UTP20: variants seen among roughly 807,000 people sequenced by gnomAD.
UTP20 encodes UTP20 small subunit processome component.
A neutral mutation model predicts 329.5 loss-of-function variants in UTP20; 164 were observed. The ratio of observed to expected loss-of-function variants is 0.50; its 90% confidence interval spans 0.44 to 0.57. The LOEUF is 0.57. Among genes scored for constraint, UTP20 ranks in the 20% least tolerant of loss-of-function variants. The probability of loss-of-function intolerance (pLI) is 0.00; values close to 1 mark genes in which losing one functional copy is unlikely to be tolerated. For synonymous variants in UTP20, 1,151 were observed against 1,159.3 expected (o/e 0.99, Z 0.14); for missense variants, 3,055 against 3,284.2 (o/e 0.93, Z 1.71).
Position 101,385,616 on chromosome 12 carries a change from T to C in UTP20, c.8090T>C (p.Ile2697Thr), listed in dbSNP as rs149982185. ...CTGAAGAATCTATCCCAGGAAATCA[T>C]AGAATTACTCAAAAAGCTGGTTGGG... Reference protein sequence around the residue: ...PLLKNLSQEIIELLKKLVGLE... With the variant: ...PLLKNLSQEITELLKKLVGLE... Residue 2697 changes from isoleucine to threonine, a missense_variant, in exon 61 of 62, where the codon ATA becomes ACA. Physicochemically the swap from Ile to Thr is moderately conservative, Grantham distance 89. This residue lies in a region of UTP20 where 337 missense variants were observed against 345.5 expected (regional missense o/e 0.98). Transcript: ENST00000261637. 1.9e-4 allele frequency: 312 copies of C among 1,613,936 alleles called. No individual in the cohort carries two copies. The highest frequency in any genetic ancestry group is 6.6e-4 in the Middle Eastern group (4 of 6,058).
Position 101,293,181 on chromosome 12 carries a change from G to C in UTP20, c.1187G>C (p.Arg396Thr), listed in dbSNP as rs1272203105. The change falls in exon 11 of 62, where the codon AGA (arginine) becomes ACA (threonine). Residue 396 changes from arginine (R) to threonine (T), a missense_variant. By Grantham distance (71) the Arg-to-Thr change is moderately conservative (BLOSUM62 -1). Transcript: ENST00000261637. ...CCTTGGTCACAGATATTTGAGAGCA[G>C]ATTTGAAAAACGTTTAATTTTCAGT... Reference protein sequence around the residue: ...KETIEKIFESRFEKRLIFSFS... With the variant: ...KETIEKIFESTFEKRLIFSFS... 7.4e-6 allele frequency: 12 copies of C among 1,613,968 alleles called. 1 individual carries two copies. In the South Asian group the frequency reaches 9.9e-5, roughly 13 times the overall value.
intron 47 of UTP20, 124 bp from the exon 48 acceptor site, chr12:101,367,735 GT>G (rs1199981538): frequency 1.0e-5 from 7 of 674,240 alleles, no homozygotes; most frequent in Non-Finnish European, 1.8e-5. Flanking sequence ...CCTTAAAAAT[GT>G]TTTATCATTT....
In UTP20 at chr12:101,354,833, CGCAATTGAA is replaced by C. The variant is rs1565802564; in HGVS notation, c.5118_5126del (p.Ala1707_Glu1709del). On this transcript the variant is annotated inframe_deletion and splice_region_variant, in exon 41 of 62. Coordinates refer to ENST00000261637, the MANE Select transcript of UTP20 (RefSeq NM_014503.3). ...ACTTTTGTTGTTTATTAAACATAGA[CGCAATTGAA>C]GCAATTGAGTTACCAGAGCCTGAGG... The C allele has an allele frequency of 1.2e-6, 2 of 1,611,488 alleles. No homozygotes were observed. Among genetic ancestry groups the C allele is most frequent in the Admixed American group, 1.7e-5 (1 of 59,724 alleles).
chr12:101,378,738 A>AG (rs1870553585), intron 56 of UTP20, among the ~76,000 whole-genome samples: 1 of 152,164 alleles, frequency 6.6e-6, no homozygotes, highest in African/African-American at 2.4e-5. Context: ...AAGAAAAAAA[A>AG]GAAAATGTAA....
Position 101,312,166 on chromosome 12 carries a change from A to G in UTP20, c.2442A>G (p.Arg814=). 2 of 1,614,194 alleles carry G rather than the reference A, an allele frequency of 1.2e-6. No individual in the cohort carries two copies. The highest frequency in any genetic ancestry group is 1.7e-6 in the Non-Finnish European group (2 of 1,180,024). ...CATTGAAAACTGACTGTCAGGAAAG[A>G]CTTGACCACACCAACTTCAGATTCC... is the stretch of plus-strand genomic sequence containing the variant. ...QLALKTDCQE[R]LDHTNFRFLL... The change falls in exon 21 of 62, where the codon AGA becomes AGG. Residue 814 remains arginine (R), a synonymous_variant. Transcript: ENST00000261637.
intron 5 of UTP20, among the ~76,000 whole-genome samples, chr12:101,288,688 C>T (rs1029911046): frequency 6.6e-6 from 1 of 152,222 alleles, no homozygotes; most frequent in African/African-American, 2.4e-5. Flanking sequence ...CCTAATTCTT[C>T]TTTCATTCAG....
intron 17 of UTP20, among the ~76,000 whole-genome samples, chr12:101,307,523 C>T (rs140066809): frequency 2.0e-5 from 3 of 152,040 alleles, no homozygotes; most frequent in Admixed American, 6.6e-5. Context: ...ATTATAGGTG[C>T]CTGCCACCAC....
rs746638912 is a variant in UTP20, at chr12:101,383,298, G to A, written c.7914G>A (p.Pro2638=). The A allele has an allele frequency of 2.0e-5, 33 of 1,613,642 alleles. No individual in the cohort carries two copies. The highest frequency in any genetic ancestry group is 2.4e-5 in the Non-Finnish European group (28 of 1,179,952). The change falls in exon 59 of 62, where the codon CCG becomes CCA. Residue 2638 remains proline, a synonymous_variant. Transcript: ENST00000261637. ...RIAKLEAAYS[P]RNPLKRTCIF... ...CAAAACTGGAAGCTGCTTATTCGCC[G>A]AGAAACCCCTTAAAGGTGCGATGAA... is the stretch of plus-strand genomic sequence containing the variant.
At position 101,285,750 on chromosome 12, in the gene UTP20, A is replaced by T. The variant is rs746070451; in HGVS notation, c.195A>T (p.Gly65=). The T allele has an allele frequency of 5.6e-6, 9 of 1,613,296 alleles. No individual in the cohort carries two copies. The highest frequency in any genetic ancestry group is 7.6e-6 in the Non-Finnish European group (9 of 1,179,768). Residue 65 remains glycine (G), a splice_region_variant and synonymous_variant, in exon 4 of 62, where the codon GGA becomes GGT. Coordinates refer to ENST00000261637, the MANE Select transcript of UTP20 (RefSeq NM_014503.3). ...WRELNLTEHF[G]KFYKEVIDKC... is the part of the protein sequence containing the mutation. ...CATATTTTTTTTTCCCCCACTCAGG[A>T]AAATTTTACAAAGAAGTTATTGACA...
chr12:101,385,077 GGCTTTTGACACTCCCCC>G (rs1870780030), intron 60 of UTP20, among the ~76,000 whole-genome samples: 1 of 148,380 alleles, frequency 6.7e-6, no homozygotes, highest in Admixed American at 6.8e-5. Context: ...TCACAAAGGA[GGCTTTTGACACTCCCCC>G]GCCAAAAAAA....
chr12:101,347,604 A>T (rs913441599), intron 38 of UTP20, among the ~76,000 whole-genome samples: 5 of 152,228 alleles, frequency 3.3e-5, no homozygotes, highest in Admixed American at 2.0e-4. Context: ...TTTGTGACTT[A>T]AATTTATACT....
intron 61 of UTP20, 23 bp downstream of exon 61, chr12:101,385,751 T>A (rs763749967): frequency 6.2e-7 from 1 of 1,604,728 alleles, no homozygotes; most frequent in South Asian, 1.1e-5. Flanking sequence ...TTTGAAAATA[T>A]GGCATGTTCA....
rs550904567 is a variant in UTP20, at chr12:101,322,237, G to A, written c.3041+608G>A. Among the ~76,000 whole-genome samples, 426 of 152,164 alleles carry A rather than the reference G, an allele frequency of 2.8e-3. 3 individuals carry two copies. The highest frequency in any genetic ancestry group is 4.6e-3 in the Non-Finnish European group (312 of 67,990). On this transcript the variant is annotated intron_variant, in intron 25 of 61. Transcript: ENST00000261637. The stretch of plus-strand genomic sequence containing the variant: ...ACTCCTGACCTCAGGCGATCCACCC[G>A]CCTCTGCCTCCCAAAGTGCTGGGAT...
chr12:101,381,297 C>T (rs1470343973), intron 58 of UTP20, 86 bp downstream of exon 58: 5 of 1,201,490 alleles, frequency 4.2e-6, no homozygotes, highest in Admixed American at 3.5e-5. Context: ...TTTGAGAGGC[C>T]GAGGCGGCCA....
chr12:101,348,567 T>A (rs1371882820), intron 38 of UTP20, among the ~76,000 whole-genome samples: 1 of 151,874 alleles, frequency 6.6e-6, no homozygotes, highest in Non-Finnish European at 1.5e-5. Context: ...CTTACATATT[T>A]GTAGTTTCTG....
At chr12:101,371,900 A>G (rs1870307572) in intron 51 of UTP20, among the ~76,000 whole-genome samples, 1 of 152,104 alleles carries the variant, frequency 6.6e-6, no homozygotes, top group African/African-American at 2.4e-5. Context: ...GATCAGGTTT[A>G]TATCTATACA....
chr12:101,287,887 C>T (rs116064827), intron 5 of UTP20, among the ~76,000 whole-genome samples: 2,276 of 152,264 alleles, frequency 0.015, 36 homozygotes, highest in African/African-American at 0.036. Context: ...GGCACATGCC[C>T]GGGAGAAGTT....
At position 101,305,284 on chromosome 12, in the gene UTP20, G is replaced by T. The variant is rs1401923223; in HGVS notation, c.1782-631G>T. 1.1e-4 allele frequency among the ~76,000 whole-genome samples: 16 copies of T among 151,976 alleles called. No individual in the cohort carries two copies. The East Asian group carries it at 3.1e-3, about 29-fold the overall frequency. The stretch of plus-strand genomic sequence containing the variant: ...TATAAGTTCCAGGAAAAGGAACTTT[G>T]TCTTTTGTTAACTGCTATATCTACA... On this transcript the variant is annotated intron_variant, in intron 15 of 61. Transcript: ENST00000261637.
At chr12:101,317,341 A>G in intron 21 of UTP20, 137 bp from the exon 22 acceptor site, 1 of 868,104 alleles carries the variant, frequency 1.2e-6, no homozygotes. Flanking sequence ...AATATTGTGG[A>G]AGCTTGCCTA....
Sources: allele counts gnomAD v4.1 joint callset (sites outside exome capture counted in the v4.1 genomes callset), GRCh38; gene constraint gnomAD v4.1.1; regional missense constraint gnomAD v4.1.1; transcripts MANE v1.5; gene names NCBI Gene and HGNC (gene_info 2026-07-23, HGNC 2026-07-21).